The following GOLM2 variants were observed in gnomAD, a reference collection of about 807,000 sequenced individuals.
GOLM2 encodes the protein golgi membrane protein 2, also known as protein GOLM2.
Under a neutral mutation model 55.9 loss-of-function variants are expected in GOLM2, and 26 were observed. That is an observed-to-expected ratio of 0.47 (90% CI 0.34 to 0.65). The LOEUF is 0.65. Among genes scored for constraint, GOLM2 ranks in the 30% least tolerant of loss-of-function variants. The pLI, the probability that GOLM2 is intolerant of heterozygous loss-of-function variation, is 0.01. For missense variants in GOLM2, 486 were observed against 531.8 expected (o/e 0.91, Z 0.85); for synonymous variants, 165 against 194.6 (o/e 0.85, Z 1.27).
Position 44,413,443 on chromosome 15 carries a change from T to A in GOLM2, c.*37T>A. The A allele has an allele frequency of 1.4e-6, 2 of 1,410,450 alleles. No individual in the cohort carries two copies. Among genetic ancestry groups the A allele is most frequent in the Middle Eastern group, 2.5e-4 (1 of 4,016 alleles). 87.4% of individuals were successfully genotyped at this position (1,410,450 alleles called of 1,614,324 possible). The stretch of plus-strand genomic sequence containing the variant: ...ATGCTTCAGAAAACCTAAAGTGCTG[T>A]AAAATGAAATCATTCTACTTTGTCC... On this transcript the variant is annotated 3_prime_UTR_variant, in exon 10 of 10. Coordinates refer to ENST00000299957, the MANE Select transcript of GOLM2 (RefSeq NM_138423.4).
At position 44,328,786 on chromosome 15, in the gene GOLM2, A is replaced by G; in HGVS notation, c.484A>G (p.Ser162Gly). Residue 162 changes from serine (S) to glycine (G), a missense_variant and splice_region_variant, in exon 3 of 10, where the codon AGT (serine) becomes GGT (glycine). Physicochemically the swap from Ser to Gly is moderately conservative, Grantham distance 56. Coordinates refer to ENST00000299957, the MANE Select transcript of GOLM2 (RefSeq NM_138423.4). ...CCTTGTGAAGAGGTTAGAATATGAA[A>G]GGTAAGATGTTACATGCAACATATG... ...TYLVKRLEYE[S>G]FQCGQQMKEL... 6.3e-7 allele frequency: 1 copy of G among 1,583,164 alleles called. No homozygotes were observed. Among genetic ancestry groups the G allele is most frequent in the Non-Finnish European group, 8.6e-7 (1 of 1,160,582 alleles).
At chr15:44,362,541 G>C (rs895925201) in intron 6 of GOLM2, among the ~76,000 whole-genome samples, 2 of 152,012 alleles carry the variant, frequency 1.3e-5, no homozygotes, top group Non-Finnish European at 2.9e-5. Context: ...TGAAATAAAA[G>C]AGGATACAAA....
chr15:44,395,244 G>A (rs1175910138), intron 8 of GOLM2, among the ~76,000 whole-genome samples: 2 of 149,334 alleles, frequency 1.3e-5, no homozygotes, highest in South Asian at 2.1e-4. Context: ...TCCTGACCTC[G>A]TGATCCGCCC....
Position 44,328,787 on chromosome 15 carries a change from G to A in GOLM2, c.485G>A (p.Ser162Asn). ...TYLVKRLEYE[S>N]FQCGQQMKEL... ...CTTGTGAAGAGGTTAGAATATGAAA[G>A]GTAAGATGTTACATGCAACATATGT... is the stretch of plus-strand genomic sequence containing the variant. Residue 162 changes from serine to asparagine, a missense_variant and splice_region_variant, in exon 3 of 10, where the codon AGT (serine) becomes AAT (asparagine). By Grantham distance (46) the Ser-to-Asn change is conservative. Transcript: ENST00000299957. 1 of 1,579,686 alleles carries A rather than the reference G, an allele frequency of 6.3e-7. No homozygotes were observed. Among genetic ancestry groups the A allele is most frequent in the African/African-American group, 1.4e-5 (1 of 73,610 alleles).
chr15:44,348,278 G>T (rs767730536), intron 6 of GOLM2, among the ~76,000 whole-genome samples: 1 of 151,852 alleles, frequency 6.6e-6, no homozygotes, highest in Non-Finnish European at 1.5e-5. Flanking sequence ...GCTCCTGGAT[G>T]GTAGTTCTGG....
At chr15:44,360,187 A>C (rs1482046412) in intron 6 of GOLM2, among the ~76,000 whole-genome samples, 1 of 152,044 alleles carries the variant, frequency 6.6e-6, no homozygotes, top group African/African-American at 2.4e-5. Flanking sequence ...GACAGGTTCA[A>C]ATTCACACAT....
At chr15:44,373,569 C>T (rs1400792822) in intron 6 of GOLM2, among the ~76,000 whole-genome samples, 5 of 151,022 alleles carry the variant, frequency 3.3e-5, no homozygotes, top group African/African-American at 1.2e-4. Flanking sequence ...GCCTAGCCAA[C>T]ATGGTGAAAC....
At chr15:44,388,369 T>C (rs1410899426) in intron 8 of GOLM2, among the ~76,000 whole-genome samples, 2 of 152,094 alleles carry the variant, frequency 1.3e-5, no homozygotes, top group Non-Finnish European at 2.9e-5. Context: ...AAATTTATTT[T>C]ATTTTAGTTA....
Position 44,400,831 on chromosome 15 carries a change from T to TC in GOLM2, c.1073-2053dup, listed in dbSNP as rs771822924. ...GACCTTCTGATCGCCCGCCTTGGCC[T>TC]CCCAAAGTGCTGGGATTACGGGCGT... On this transcript the variant is annotated intron_variant, in intron 8 of 9. Coordinates refer to ENST00000299957, the MANE Select transcript of GOLM2 (RefSeq NM_138423.4). 6.6e-5 allele frequency among the ~76,000 whole-genome samples: 10 copies of TC among 152,122 alleles called. No individual in the cohort carries two copies. In the East Asian group the frequency reaches 7.7e-4, roughly 12 times the overall value.
In GOLM2 at chr15:44,311,938, C is replaced by T. The variant is rs571303844; in HGVS notation, c.328-11027C>T. ...GTGCTGGGATTACAGGTTTGAGCCA[C>T]CATGCCAAGTCGTTAACATAGGATT... On this transcript the variant is annotated intron_variant, in intron 1 of 9. Coordinates refer to ENST00000299957, the MANE Select transcript of GOLM2 (RefSeq NM_138423.4). 2.6e-5 allele frequency among the ~76,000 whole-genome samples: 4 copies of T among 152,280 alleles called. No individual in the cohort carries two copies. In the East Asian group the frequency reaches 7.7e-4, roughly 29 times the overall value.
At chr15:44,340,555 G>C (rs957368180) in intron 6 of GOLM2, among the ~76,000 whole-genome samples, 2 of 152,200 alleles carry the variant, frequency 1.3e-5, no homozygotes, top group Admixed American at 1.3e-4. Flanking sequence ...GTGGTGCCTA[G>C]CTGTAATTCG....
In GOLM2 at chr15:44,380,939, C is replaced by A; in HGVS notation, c.1035C>A (p.Thr345=). The change falls in exon 8 of 10, where the codon ACC becomes ACA. Residue 345 remains threonine, a synonymous_variant. Coordinates refer to ENST00000299957, the MANE Select transcript of GOLM2 (RefSeq NM_138423.4). ...AAACAGATATACTAAAGCAGGCTACCAAGGACAGAGTCAGTGATTTCCATA... is the reference window on the plus strand; with the variant it reads ...AAACAGATATACTAAAGCAGGCTACAAAGGACAGAGTCAGTGATTTCCATA... ...RIQTDILKQA[T]KDRVSDFHKL... 6.3e-7 allele frequency: 1 copy of A among 1,591,258 alleles called. No homozygotes were observed. The highest frequency in any genetic ancestry group is 8.6e-7 in the Non-Finnish European group (1 of 1,169,492).
intron 1 of GOLM2, among the ~76,000 whole-genome samples, chr15:44,320,209 G>A (rs1465128241): frequency 6.6e-6 from 1 of 151,958 alleles, no homozygotes; most frequent in African/African-American, 2.4e-5. Context: ...TTTTCATTTA[G>A]CATATGTAAT....
chr15:44,371,922 C>T (rs985396318), intron 6 of GOLM2, among the ~76,000 whole-genome samples: 1 of 152,138 alleles, frequency 6.6e-6, no homozygotes, highest in Non-Finnish European at 1.5e-5. Flanking sequence ...ATGTATTAAT[C>T]ACCAACTATT....
At chr15:44,358,044 C>T (rs779312147) in intron 6 of GOLM2, among the ~76,000 whole-genome samples, 20 of 152,126 alleles carry the variant, frequency 1.3e-4, no homozygotes, top group Non-Finnish European at 4.4e-5. Flanking sequence ...TATTGACAAA[C>T]TGATTCCAAA....
At chr15:44,384,604 G>A (rs1327645277) in intron 8 of GOLM2, among the ~76,000 whole-genome samples, 4 of 152,132 alleles carry the variant, frequency 2.6e-5, no homozygotes, top group Admixed American at 2.0e-4. Context: ...AAAATTAGCC[G>A]GGCGTGGTGG....
At position 44,289,392 on chromosome 15, in the gene GOLM2, T is replaced by G. The variant is rs752194987; in HGVS notation, c.327+36T>G. Reference sequence around the variant, plus strand: ...CCCTTTTCTCTTCAAACCCCATGGTTTCTTTTCTCCCCGGGGTCTGGGGCG... The same window carrying G: ...CCCTTTTCTCTTCAAACCCCATGGTGTCTTTTCTCCCCGGGGTCTGGGGCG... On this transcript the variant is annotated intron_variant, in intron 1 of 9. Coordinates refer to ENST00000299957, the MANE Select transcript of GOLM2 (RefSeq NM_138423.4). This position sits in a 1 kb window ranked among gnomAD's most constrained non-coding sequence, Gnocchi z 4.8. The G allele has an allele frequency of 1.9e-5, 30 of 1,554,288 alleles. No individual in the cohort carries two copies. The African/African-American group carries it at 3.3e-4, about 17-fold the overall frequency.
intron 6 of GOLM2, among the ~76,000 whole-genome samples, chr15:44,363,870 A>G (rs545632880): frequency 0.03 from 4,589 of 152,244 alleles, 248 homozygotes; most frequent in African/African-American, 0.1. Context: ...GCCATAAAAA[A>G]TGATGAGTTC....
intron 6 of GOLM2, among the ~76,000 whole-genome samples, chr15:44,350,722 T>A (rs1188294795): frequency 6.6e-6 from 1 of 152,108 alleles, no homozygotes; most frequent in Non-Finnish European, 1.5e-5. Flanking sequence ...GCAAAAATCC[T>A]TAACAAAACA....
Sources: allele counts gnomAD v4.1 joint callset (sites outside exome capture counted in the v4.1 genomes callset), GRCh38; gene constraint gnomAD v4.1.1; non-coding constraint Gnocchi (gnomAD v3.1); transcripts MANE v1.5; gene names NCBI Gene and HGNC (gene_info 2026-07-23, HGNC 2026-07-21).